Variants in NUBPL observed in about 807,000 individuals in gnomAD.
NUBPL encodes NUBP iron-sulfur cluster assembly factor, mitochondrial.
NUBPL carries 31 observed loss-of-function variants against 45.7 expected under a neutral mutation model. The observed-to-expected ratio is 0.68, with a 90% CI of 0.51 to 0.92. The LOEUF is 0.92. NUBPL is among the 40% of genes least tolerant of loss of function. The pLI, the probability that NUBPL is intolerant of heterozygous loss-of-function variation, is 0.00. For synonymous variants in NUBPL, 144 were observed against 140.9 expected (o/e 1.02, Z -0.15); for missense variants, 401 against 398.7 (o/e 1.01, Z -0.05).
At chr14:31,775,493 A>G (rs968240910) in intron 6 of NUBPL, among the ~76,000 whole-genome samples, 6 of 152,168 alleles carry the variant, frequency 3.9e-5, no homozygotes, top group African/African-American at 1.4e-4. Flanking sequence ...AATAATGGTC[A>G]TGTGTTACTA....
intron 3 of NUBPL, among the ~76,000 whole-genome samples, chr14:31,593,256 G>A (rs1452646156): frequency 6.6e-6 from 1 of 152,124 alleles, no homozygotes; most frequent in Non-Finnish European, 1.5e-5. Context: ...GCTCACGCCT[G>A]TAATCCCAGC....
At position 31,649,199 on chromosome 14, in the gene NUBPL, A is replaced by G. The variant is rs190639396; in HGVS notation, c.383-24156A>G. Among the ~76,000 whole-genome samples the G allele has an allele frequency of 1.3e-3, 197 of 152,364 alleles. 1 individual carries two copies. The highest frequency in any genetic ancestry group is 4.6e-3 in the African/African-American group (193 of 41,582). On this transcript the variant is annotated intron_variant, in intron 4 of 10. Coordinates refer to ENST00000281081, the MANE Select transcript of NUBPL (RefSeq NM_025152.3). The stretch of plus-strand genomic sequence containing the variant: ...AAATAATTTGGTTAAATTTCTAAAC[A>G]GTGTCAGAACCTTTAAGATAATTGG...
At chr14:31,741,999 G>C (rs2038294575) in intron 6 of NUBPL, among the ~76,000 whole-genome samples, 2 of 151,696 alleles carry the variant, frequency 1.3e-5, no homozygotes, top group Admixed American at 6.6e-5. Flanking sequence ...GTAATAGGAG[G>C]CAACCTAAAA....
intron 6 of NUBPL, among the ~76,000 whole-genome samples, chr14:31,758,302 A>C (rs2038719769): frequency 6.6e-6 from 1 of 152,216 alleles, no homozygotes; most frequent in Non-Finnish European, 1.5e-5. Context: ...GACATGATTA[A>C]TCTTTTAATA....
intron 7 of NUBPL, among the ~76,000 whole-genome samples, chr14:31,804,793 G>T (rs1162869604): frequency 6.6e-6 from 1 of 152,036 alleles, no homozygotes; most frequent in African/African-American, 2.4e-5. Context: ...ACTCAAGATG[G>T]GTTAAAGACT....
At chr14:31,561,713 G>T (rs1188574855) in intron 1 of NUBPL, 166 bp downstream of exon 1, 5 of 550,482 alleles carry the variant, frequency 9.1e-6, no homozygotes, top group Non-Finnish European at 1.6e-5. Context: ...GGCGTGGCGG[G>T]ACTTGAAACA....
intron 6 of NUBPL, among the ~76,000 whole-genome samples, chr14:31,755,251 C>G (rs1332638827): frequency 6.6e-6 from 1 of 152,004 alleles, no homozygotes; most frequent in Admixed American, 6.5e-5. Flanking sequence ...ATTTCTAGTT[C>G]TAGATCCCTG....
rs375746683 is a variant in NUBPL, at chr14:31,667,528, T to C, written c.383-5827T>C. 2.6e-5 allele frequency among the ~76,000 whole-genome samples: 4 copies of C among 152,178 alleles called. No individual in the cohort carries two copies. In the East Asian group the frequency reaches 5.9e-4, roughly 22 times the overall value. ...TTTAGCTCAAAGGAGTTTGTTATTA[T>C]TACCCACCTTCTGCCTACTTCTGTC... On this transcript the variant is annotated intron_variant, in intron 4 of 10. Coordinates refer to ENST00000281081, the MANE Select transcript of NUBPL (RefSeq NM_025152.3).
chr14:31,623,723 G>T (rs1354040142), intron 4 of NUBPL, among the ~76,000 whole-genome samples: 1 of 152,146 alleles, frequency 6.6e-6, no homozygotes, highest in Non-Finnish European at 1.5e-5. Flanking sequence ...CCAGTCTTAG[G>T]TAGTTCTTTA....
chr14:31,825,860 A>ATT (rs531767742), intron 7 of NUBPL, among the ~76,000 whole-genome samples: 2 of 94,934 alleles, frequency 2.1e-5, no homozygotes, highest in Non-Finnish European at 2.3e-5. Context: ...TTTTTCTTCC[A>ATT]TTTTTTTTTT....
intron 9 of NUBPL, 83 bp downstream of exon 9, chr14:31,846,674 A>T (rs2040457812): frequency 6.3e-7 from 1 of 1,579,124 alleles, no homozygotes; most frequent in Non-Finnish European, 8.6e-7. Context: ...AGTGTCTCAG[A>T]GGCCGGGCAC....
intron 4 of NUBPL, among the ~76,000 whole-genome samples, chr14:31,623,123 T>C (rs1258299444): frequency 1.3e-5 from 2 of 152,226 alleles, no homozygotes; most frequent in Non-Finnish European, 2.9e-5. Flanking sequence ...AGGAGTTTAT[T>C]CTGGAGCTCT....
intron 4 of NUBPL, among the ~76,000 whole-genome samples, chr14:31,631,917 A>T (rs1434696301): frequency 6.6e-6 from 1 of 152,172 alleles, no homozygotes; most frequent in Non-Finnish European, 1.5e-5. Context: ...AACCAAATTT[A>T]TGGGTATACG....
At chr14:31,576,499 C>CT (rs1566423438) in intron 3 of NUBPL, among the ~76,000 whole-genome samples, 2 of 152,116 alleles carry the variant, frequency 1.3e-5, no homozygotes, top group African/African-American at 4.8e-5. Context: ...GGGCTTAAGT[C>CT]GTCTTCCTCC....
chr14:31,618,464 G>T (rs759543558), intron 4 of NUBPL, among the ~76,000 whole-genome samples: 1 of 152,110 alleles, frequency 6.6e-6, no homozygotes, highest in Admixed American at 6.5e-5. Flanking sequence ...CAGAGATTCT[G>T]GTATGTTGTC....
At chr14:31,680,137 C>T (rs2036795710) in intron 6 of NUBPL, among the ~76,000 whole-genome samples, 1 of 152,012 alleles carries the variant, frequency 6.6e-6, no homozygotes, top group Non-Finnish European at 1.5e-5. Flanking sequence ...TGTTTAGTAA[C>T]TGTATTAGTG....
chr14:31,820,155 A>AAG lies in NUBPL; in HGVS notation c.608-6473_608-6472insGA, dbSNP rs1170725611. 1.5e-4 allele frequency among the ~76,000 whole-genome samples: 9 copies of AAG among 61,922 alleles called. 2 individuals carry two copies. The highest frequency in any genetic ancestry group is 3.5e-4 in the African/African-American group (9 of 25,624). 40.6% of individuals were successfully genotyped at this position (61,922 alleles called of 152,430 possible). ...ACTCCATCTCAAAAAAAAAAAAAAGAAAAAGAAAAAAATATTGATAGAGAA... is the reference window on the plus strand; with the variant it reads ...ACTCCATCTCAAAAAAAAAAAAAAGAAGAAAAGAAAAAAATATTGATAGAGAA... On this transcript the variant is annotated intron_variant, in intron 7 of 10. Transcript: ENST00000281081.
At chr14:31,639,657 T>C (rs2035622961) in intron 4 of NUBPL, among the ~76,000 whole-genome samples, 2 of 152,218 alleles carry the variant, frequency 1.3e-5, no homozygotes, top group Admixed American at 6.5e-5. Flanking sequence ...TACTGCTGTC[T>C]TTTTGTTTGT....
At position 31,773,499 on chromosome 14, in the gene NUBPL, A is replaced by G. The variant is rs370052042; in HGVS notation, c.514-14281A>G. On this transcript the variant is annotated intron_variant, in intron 6 of 10. Transcript: ENST00000281081. ...AAACTGAAGTTGAGAAGATAGTTAC[A>G]TATAAAAAAATTATCCCAGAATCCT... Among the ~76,000 whole-genome samples, 70 of 152,290 alleles carry G rather than the reference A, an allele frequency of 4.6e-4. 1 individual carries two copies. The highest frequency in any genetic ancestry group is 1.6e-3 in the African/African-American group (68 of 41,568).
Sources: gnomAD v4.1 joint callset for allele counts (sites outside exome capture counted in the v4.1 genomes callset) on GRCh38, gnomAD v4.1.1 for gene constraint, MANE v1.5 for transcripts, NCBI Gene and HGNC (gene_info 2026-07-23, HGNC 2026-07-21) for gene names.